Variants in RNF38 observed in about 807,000 individuals in gnomAD.
RNF38 encodes E3 ubiquitin-protein ligase RNF38.
A neutral mutation model predicts 67.2 loss-of-function variants in RNF38; 15 were observed. The ratio of observed to expected loss-of-function variants is 0.22; its 90% CI spans 0.15 to 0.34. RNF38 has a LOEUF of 0.34. Ranked by LOEUF, RNF38 falls within the 10% of genes least tolerant of loss-of-function variation. The probability of loss-of-function intolerance (pLI) is 1.00; values close to 1 mark genes in which losing one functional copy is unlikely to be tolerated. For synonymous variants in RNF38, 220 were observed against 218.8 expected (o/e 1.01, Z -0.05); for missense variants, 524 against 639.9 (o/e 0.82, Z 1.95).
intron 1 of RNF38, among the ~76,000 whole-genome samples, chr9:36,451,121 C>G (rs1010323905): frequency 1.3e-5 from 2 of 152,060 alleles, no homozygotes; most frequent in Non-Finnish European, 2.9e-5. Context: ...CAGCAAAGTT[C>G]AAACTAAAAA....
At chr9:36,385,895 G>T (rs1178769230) in intron 2 of RNF38, among the ~76,000 whole-genome samples, 2 of 152,114 alleles carry the variant, frequency 1.3e-5, no homozygotes, top group East Asian at 1.9e-4. Context: ...ATATTTACCT[G>T]ACCTCTCGCT....
intron 2 of RNF38, among the ~76,000 whole-genome samples, chr9:36,411,228 C>T (rs1457194252): frequency 6.7e-6 from 1 of 148,934 alleles, no homozygotes; most frequent in Non-Finnish European, 1.5e-5. Flanking sequence ...ATCTCACACT[C>T]ATTAGGATAG....
At chr9:36,456,492 T>TC (rs1405715428) in intron 1 of RNF38, among the ~76,000 whole-genome samples, 2 of 150,710 alleles carry the variant, frequency 1.3e-5, no homozygotes, top group East Asian at 3.8e-4. Context: ...TAACATCAAT[T>TC]ATCAAACTTT....
At chr9:36,458,727 C>T (rs1196300732) in intron 1 of RNF38, among the ~76,000 whole-genome samples, 1 of 152,144 alleles carries the variant, frequency 6.6e-6, no homozygotes. Context: ...ACACTCACCG[C>T]GAGGGTCCGC....
rs540300630 is a variant in RNF38 at position 36,435,909 on chromosome 9, G to A, written n.242-11226C>T. 1.1e-4 allele frequency among the ~76,000 whole-genome samples: 17 copies of A among 152,292 alleles called. No homozygotes were observed. The South Asian group carries it at 1.2e-3, about 11-fold the overall frequency. Reference sequence around the variant, plus strand: ...CTCCCAAAGTGCTGGGATTACAGGCGTGAGCCACCGCGCCCGGACTCTGAA... The same window carrying A: ...CTCCCAAAGTGCTGGGATTACAGGCATGAGCCACCGCGCCCGGACTCTGAA... On this transcript the variant is annotated intron_variant and non_coding_transcript_variant, in intron 1 of 3. Coordinates refer to the RNF38 transcript ENST00000488058.
chr9:36,409,931 T>A (rs1838281976), intron 2 of RNF38, among the ~76,000 whole-genome samples: 1 of 152,218 alleles, frequency 6.6e-6, no homozygotes, highest in Non-Finnish European at 1.5e-5. Context: ...AATATAAAAT[T>A]TAAGCTTCCA....
At chr9:36,449,694 C>G (rs377492341) in intron 1 of RNF38, among the ~76,000 whole-genome samples, 1 of 152,146 alleles carries the variant, frequency 6.6e-6, no homozygotes, top group South Asian at 2.1e-4. Flanking sequence ...CTCGGCCTCC[C>G]AAAGTGCTGG....
chr9:36,390,522 G>T lies in RNF38; in HGVS notation c.107C>A (p.Pro36Gln). ...VRLQSLFPLL[P>Q]SDQNTTVQED... ...TTGAACGGTAGTGTTCTGATCACTT[G>T]GGAGGAGAGGGAACAGGCTCTGAAG... Residue 36 changes from proline to glutamine, a missense_variant, in exon 2 of 12, where the codon CCA becomes CAA. By Grantham distance (76) the Pro-to-Gln change is moderately conservative (BLOSUM62 -1). Around this residue, in one of 2 missense-constraint regions of RNF38, gnomAD observed 461 missense variants for 517.4 expected, o/e 0.89. Coordinates refer to ENST00000259605, the MANE Select transcript of RNF38 (RefSeq NM_022781.5). The T allele has an allele frequency of 6.2e-7, 1 of 1,614,006 alleles. No homozygotes were observed. Among genetic ancestry groups the T allele is most frequent in the Non-Finnish European group, 8.5e-7 (1 of 1,179,912 alleles).
Position 36,439,142 on chromosome 9 carries a change from C to T in RNF38, n.242-14459G>A, listed in dbSNP as rs535854725. On this transcript the variant is annotated intron_variant and non_coding_transcript_variant, in intron 1 of 3. Transcript: ENST00000488058. ...AGAAGTGATTTATTGAAATAGAACA[C>T]AAAAATTATATTCTAGCTAATTCTA... Among the ~76,000 whole-genome samples, 12 of 152,216 alleles carry T rather than the reference C, an allele frequency of 7.9e-5. No homozygotes were observed. In the South Asian group the frequency reaches 2.5e-3, roughly 32 times the overall value.
chr9:36,465,389 C>A (rs925473352), intron 1 of RNF38, among the ~76,000 whole-genome samples: 15 of 152,084 alleles, frequency 9.9e-5, no homozygotes, highest in Admixed American at 3.9e-4. Context: ...TCTTGTTGCC[C>A]AGGCTGGAGT....
intron 10 of RNF38, among the ~76,000 whole-genome samples, chr9:36,343,192 C>T (rs527345205): frequency 4.9e-4 from 74 of 152,232 alleles, no homozygotes; most frequent in African/African-American, 1.5e-3. Context: ...ATACAGAGGG[C>T]TTAGTGTAGG....
chr9:36,452,081 C>T (rs980588014), intron 1 of RNF38, among the ~76,000 whole-genome samples: 1 of 151,880 alleles, frequency 6.6e-6, no homozygotes, highest in South Asian at 2.1e-4. Flanking sequence ...AAAATAGACA[C>T]ACACGATGCC....
Position 36,338,603 on chromosome 9 carries a change from G to A in RNF38, c.*1149C>T, listed in dbSNP as rs1832613800. On this transcript the variant is annotated 3_prime_UTR_variant, in exon 12 of 12. Coordinates refer to ENST00000259605, the MANE Select transcript of RNF38 (RefSeq NM_022781.5). ...TCTTAAAACAATTGAGTTGCCCACA[G>A]GAGCTTGAACACAGAACACATATGA... 1 of 152,284 alleles carries A rather than the reference G, an allele frequency of 6.6e-6. No homozygotes were observed. The highest frequency in any genetic ancestry group is 1.5e-5 in the Non-Finnish European group (1 of 68,038). The allele number at this position is 152,284 out of a possible 1,614,324, so 9.4% of individuals were successfully genotyped here.
chr9:36,340,297 T>G (rs2133309113), intron 11 of RNF38, among the ~76,000 whole-genome samples: 1 of 152,302 alleles, frequency 6.6e-6, no homozygotes, highest in East Asian at 1.9e-4. Context: ...TGATTTTTAG[T>G]AGGTCTGTTA....
At chr9:36,379,146 C>T (rs1836014348) in intron 2 of RNF38, among the ~76,000 whole-genome samples, 1 of 152,158 alleles carries the variant, frequency 6.6e-6, no homozygotes, top group Admixed American at 6.5e-5. Context: ...GTGATCCGAC[C>T]GCCTTGGCCT....
intron 11 of RNF38, among the ~76,000 whole-genome samples, chr9:36,341,503 TA>T (rs1832828690): frequency 6.6e-6 from 1 of 152,124 alleles, no homozygotes; most frequent in Non-Finnish European, 1.5e-5. Flanking sequence ...AAAATTCTTT[TA>T]CTGTATCACA....
At chr9:36,379,476 A>G (rs1339125937) in intron 2 of RNF38, among the ~76,000 whole-genome samples, 2 of 152,154 alleles carry the variant, frequency 1.3e-5, no homozygotes, top group Non-Finnish European at 2.9e-5. Flanking sequence ...CAAATTTTGT[A>G]CTCCAATCAC....
intron 1 of RNF38, among the ~76,000 whole-genome samples, chr9:36,448,435 C>CT (rs749727357): frequency 6.6e-6 from 1 of 152,172 alleles, no homozygotes; most frequent in Non-Finnish European, 1.5e-5. Context: ...AATACTAGTC[C>CT]TGTCCTTAGA....
At chr9:36,372,446 T>A (rs1835459731) in intron 3 of RNF38, 4 of 653,506 alleles carry the variant, frequency 6.1e-6, no homozygotes, top group Middle Eastern at 2.4e-4. Context: ...ATTAATAGTA[T>A]CCCTCTTTCA....
Sources: gnomAD v4.1 joint callset for allele counts (sites outside exome capture counted in the v4.1 genomes callset) on GRCh38, gnomAD v4.1.1 for gene constraint, gnomAD v4.1.1 regional missense constraint, MANE v1.5 for transcripts, NCBI Gene and HGNC (gene_info 2026-07-23, HGNC 2026-07-21) for gene names.